Variants in RMST observed in about 807,000 individuals in gnomAD.
RMST encodes long intergenic non-protein coding RNA 54.
intron 5 of RMST, among the ~76,000 whole-genome samples, chr12:97,491,246 A>G (rs569088820): frequency 4.8e-4 from 73 of 152,298 alleles, no homozygotes; most frequent in Admixed American, 1.5e-3. Context: ...TCCAAAGGTG[A>G]TTAGTGTCGT....
chr12:97,557,623 T>C (rs1883801095), intron 11 of RMST, among the ~76,000 whole-genome samples: 1 of 152,120 alleles, frequency 6.6e-6, no homozygotes, highest in Non-Finnish European at 1.5e-5. Context: ...TAAAACAAAG[T>C]CCATGTTTAG....
At chr12:97,475,508 G>A (rs1222962311) in intron 5 of RMST, among the ~76,000 whole-genome samples, 2 of 151,648 alleles carry the variant, frequency 1.3e-5, no homozygotes, top group African/African-American at 4.9e-5. Flanking sequence ...TGCTTAGTAT[G>A]TTTGAAACAC....
chr12:97,556,371 G>A (rs760763146), intron 11 of RMST, among the ~76,000 whole-genome samples: 7 of 152,184 alleles, frequency 4.6e-5, no homozygotes, highest in African/African-American at 1.2e-4. Context: ...CAAGTGTGAC[G>A]TGTTAAAAGG....
At chr12:97,517,266 CT>C (rs1448169905) in intron 10 of RMST, among the ~76,000 whole-genome samples, 1 of 151,966 alleles carries the variant, frequency 6.6e-6, no homozygotes, top group African/African-American at 2.4e-5. Flanking sequence ...TTCACACCAT[CT>C]TCAAGTGGCA....
intron 10 of RMST, among the ~76,000 whole-genome samples, chr12:97,516,927 A>G (rs1198428432): frequency 6.6e-6 from 1 of 152,042 alleles, no homozygotes; most frequent in Non-Finnish European, 1.5e-5. Flanking sequence ...ACAATATTCT[A>G]TGGGAAGTAA....
intron 5 of RMST, among the ~76,000 whole-genome samples, chr12:97,486,983 G>A (rs1876185175): frequency 6.6e-6 from 1 of 152,208 alleles, no homozygotes; most frequent in Non-Finnish European, 1.5e-5. Flanking sequence ...GGGAGCAGCA[G>A]GGAGATGCGG....
chr12:97,539,341 A>G (rs1052932864), intron 11 of RMST, among the ~76,000 whole-genome samples: 1 of 151,588 alleles, frequency 6.6e-6, no homozygotes, highest in African/African-American at 2.4e-5. Flanking sequence ...AGTGCAAGAG[A>G]GTTCTTTGTT....
rs112232613 is a variant in RMST, at chr12:97,488,871, C to T, written n.645-3590C>T. On this transcript the variant is annotated intron_variant and non_coding_transcript_variant, in intron 5 of 13. Coordinates refer to ENST00000640149, the Ensembl canonical transcript of RMST. ...TTGGGATGGAAATTTCTATTTTATG[C>T]TCCAGAATAGCCATTTCTAACTCAC... 1.4e-3 allele frequency among the ~76,000 whole-genome samples: 209 copies of T among 152,208 alleles called. 3 individuals carry two copies. The highest frequency in any genetic ancestry group is 4.7e-3 in the African/African-American group (197 of 41,530).
At chr12:97,520,300 G>C (rs1565930264) in intron 10 of RMST, among the ~76,000 whole-genome samples, 1 of 152,146 alleles carries the variant, frequency 6.6e-6, no homozygotes, top group Non-Finnish European at 1.5e-5. Context: ...TCCCTCCCAT[G>C]CCTCTGCAGG....
intron 10 of RMST, among the ~76,000 whole-genome samples, chr12:97,525,955 C>G (rs749276888): frequency 4.6e-5 from 7 of 151,966 alleles, no homozygotes; most frequent in Non-Finnish European, 7.4e-5. Flanking sequence ...ACTGTGCATG[C>G]GAGTGATCTG....
chr12:97,504,605 C>T (rs1487311659), intron 10 of RMST, among the ~76,000 whole-genome samples: 1 of 151,944 alleles, frequency 6.6e-6, no homozygotes, highest in Non-Finnish European at 1.5e-5. Context: ...TAAAACCTTA[C>T]CTTTTACTTT....
At chr12:97,476,153 T>C (rs532052510) in intron 5 of RMST, among the ~76,000 whole-genome samples, 2 of 152,070 alleles carry the variant, frequency 1.3e-5, no homozygotes, top group Non-Finnish European at 2.9e-5. Context: ...AGATGAAGAG[T>C]GGATGCCATT....
chr12:97,518,596 A>G (rs1449322002), intron 10 of RMST, among the ~76,000 whole-genome samples: 1 of 152,156 alleles, frequency 6.6e-6, no homozygotes, highest in African/African-American at 2.4e-5. Context: ...AGTTTTCAAT[A>G]AGAATGTTAG....
rs75134121 is a variant in RMST, at chr12:97,561,413, T to C, written n.1958+366T>C. On this transcript the variant is annotated intron_variant and non_coding_transcript_variant, in intron 13 of 13. Coordinates refer to ENST00000640149, the Ensembl canonical transcript of RMST. ...GCAGGTTGGGAGAATTAGCCAACCA[T>C]TGGGTTCTCAGATGTGGTCCCAGGC... 2.1e-3 allele frequency among the ~76,000 whole-genome samples: 323 copies of C among 152,228 alleles called. 3 individuals are homozygous for C. The East Asian group carries it at 0.053, about 25-fold the overall frequency.
chr12:97,534,716 C>T (rs1222393449), intron 11 of RMST, among the ~76,000 whole-genome samples: 2 of 151,672 alleles, frequency 1.3e-5, no homozygotes, highest in Non-Finnish European at 3.0e-5. Flanking sequence ...CGGTTTCCAC[C>T]TAATCCACCC....
intron 10 of RMST, among the ~76,000 whole-genome samples, chr12:97,524,075 C>CAAAAAAAAAAAAAAAAAAAAAAAAA (rs537840796): frequency 8.9e-5 from 5 of 56,128 alleles, no homozygotes; most frequent in Non-Finnish European, 1.6e-4. Flanking sequence ...GACTCTGTCT[C>CAAAAAAAAAAAAAAAAAAAAAAAAA]AAAAAAAAAA....
intron 10 of RMST, among the ~76,000 whole-genome samples, chr12:97,508,674 G>T (rs1878962915): frequency 6.6e-6 from 1 of 151,896 alleles, no homozygotes; most frequent in Non-Finnish European, 1.5e-5. Flanking sequence ...TTGTTGTTGT[G>T]TTTTTTTTGT....
At chr12:97,560,790 A>T (rs890757262) in intron 12 of RMST, 1 of 152,194 alleles carries the variant, frequency 6.6e-6, no homozygotes, top group Non-Finnish European at 1.5e-5. Flanking sequence ...TTAAAAAATC[A>T]TTTTAGGTGC....
chr12:97,488,310 G>C (rs1876356829), intron 5 of RMST, among the ~76,000 whole-genome samples: 2 of 152,288 alleles, frequency 1.3e-5, no homozygotes, highest in Middle Eastern at 3.4e-3. Flanking sequence ...CCTGGGAGGT[G>C]GAGGTTGCAG....
Sources: allele counts gnomAD v4.1 joint callset (sites outside exome capture counted in the v4.1 genomes callset), GRCh38; gene constraint gnomAD v4.1.1; transcripts MANE v1.5; gene names NCBI Gene and HGNC (gene_info 2026-07-23, HGNC 2026-07-21).